TULP4: variants seen among roughly 807,000 people sequenced by gnomAD.
The protein encoded by TULP4 is TUB like protein 4, also known as tubby-related protein 4.
TULP4 carries 16 observed loss-of-function variants against 129.0 expected under a neutral mutation model. The observed-to-expected ratio is 0.12, with a 90% CI of 0.08 to 0.19. The LOEUF (loss-of-function observed/expected upper bound fraction) is 0.19. Among genes scored for constraint, TULP4 ranks in the 10% least tolerant of loss-of-function variants. The pLI, the probability that TULP4 is intolerant of heterozygous loss-of-function variation, is 1.00. For missense variants in TULP4, 1,842 were observed against 2,059.1 expected (o/e 0.89, Z 2.04); for synonymous variants, 998 against 854.0 (o/e 1.17, Z -2.94).
At chr6:158,375,142 C>G (rs1777156506) in intron 1 of TULP4, among the ~76,000 whole-genome samples, 1 of 152,124 alleles carries the variant, frequency 6.6e-6, no homozygotes, top group Admixed American at 6.5e-5. Flanking sequence ...ACTCGGGAGG[C>G]TGAGACAGGA....
chr6:158,260,365 A>G (rs1778329313), intron 1 of TULP4, among the ~76,000 whole-genome samples: 1 of 152,182 alleles, frequency 6.6e-6, no homozygotes, highest in Admixed American at 6.5e-5. Context: ...GAGGATATTA[A>G]GATGTTCATG....
chr6:158,383,999 A>G (rs1777383364), intron 1 of TULP4, among the ~76,000 whole-genome samples: 1 of 152,204 alleles, frequency 6.6e-6, no homozygotes, highest in Admixed American at 6.5e-5. Context: ...AGAGTGTAAC[A>G]TTATCCCAAG....
In TULP4 at chr6:158,344,462, G is replaced by A. The variant is rs550965470; in HGVS notation, c.252+30194G>A. 4.6e-5 allele frequency among the ~76,000 whole-genome samples: 7 copies of A among 152,202 alleles called. No homozygotes were observed. The South Asian group carries it at 1.0e-3, about 23-fold the overall frequency. ...CTTTCGGTGCCATGTTTTCAACAGC[G>A]TATATTCACTTTATATCTCTGTGGT... is the stretch of plus-strand genomic sequence containing the variant. On this transcript the variant is annotated intron_variant, in intron 1 of 13. Transcript: ENST00000367097.
chr6:158,347,807 T>A (rs982181188), intron 1 of TULP4, among the ~76,000 whole-genome samples: 2 of 152,220 alleles, frequency 1.3e-5, no homozygotes, highest in Non-Finnish European at 1.5e-5. Flanking sequence ...TTATCCCTTC[T>A]CCACCTTTTT....
chr6:158,368,338 T>G (rs1257368895), intron 1 of TULP4, among the ~76,000 whole-genome samples: 2 of 152,204 alleles, frequency 1.3e-5, no homozygotes, highest in Non-Finnish European at 2.9e-5. Flanking sequence ...AGAGTCTCGC[T>G]GTCACCCAGG....
intron 2 of TULP4, among the ~76,000 whole-genome samples, chr6:158,416,414 A>C (rs1467674412): frequency 6.6e-6 from 1 of 152,146 alleles, no homozygotes; most frequent in Non-Finnish European, 1.5e-5. Flanking sequence ...GTGTAGGCCT[A>C]GGCTAATATG....
chr6:158,441,382 T>C (rs556006390), intron 3 of TULP4, among the ~76,000 whole-genome samples: 55 of 152,340 alleles, frequency 3.6e-4, no homozygotes, highest in Middle Eastern at 6.8e-3. Flanking sequence ...TTGTCACATA[T>C]ACCTTCTTAA....
Position 158,502,933 on chromosome 6 carries a change from G to T in TULP4, c.3270G>T (p.Glu1090Asp), listed in dbSNP as rs772855472. Residue 1090 changes from glutamate to aspartate, a missense_variant, in exon 13 of 14, where the codon GAG (glutamate) becomes GAT (aspartate). Glu to Asp is a conservative substitution (Grantham distance 45). Transcript: ENST00000367097. ...RTDYVNSAFT[E>D]DEALSQHCQL... ...ACTACGTCAACTCGGCCTTCACGGA[G>T]GACGAGGCCCTGTCCCAGCACTGTC... 3.1e-6 allele frequency: 5 copies of T among 1,614,050 alleles called. No homozygotes were observed. The highest frequency in any genetic ancestry group is 4.2e-6 in the Non-Finnish European group (5 of 1,180,018).
chr6:158,369,525 C>G (rs1777025636), intron 1 of TULP4, among the ~76,000 whole-genome samples: 2 of 152,022 alleles, frequency 1.3e-5, no homozygotes, highest in African/African-American at 2.4e-5. Flanking sequence ...TTTAAGTTAG[C>G]CTCTGATTCA....
chr6:158,352,056 T>C (rs1780537546), intron 1 of TULP4, among the ~76,000 whole-genome samples: 1 of 152,156 alleles, frequency 6.6e-6, no homozygotes, highest in South Asian at 2.1e-4. Flanking sequence ...TATTGGGGCA[T>C]TTAAAAATAT....
intron 3 of TULP4, among the ~76,000 whole-genome samples, chr6:158,433,656 G>A (rs943482667): frequency 3.9e-5 from 6 of 152,180 alleles, no homozygotes; most frequent in Non-Finnish European, 5.9e-5. Flanking sequence ...GCAGTGAACC[G>A]AGATGGCGCC....
rs777960109 is a variant in TULP4, at chr6:158,396,928, G to A, written c.253-16137G>A. On this transcript the variant is annotated intron_variant, in intron 1 of 13. Coordinates refer to ENST00000367097, the MANE Select transcript of TULP4 (RefSeq NM_020245.5). ...AGTGCAGCTGGAAGAGGCGGGCTGCGTGGTTTTACATGACATTAACTAGGG... is the reference window on the plus strand; with the variant it reads ...AGTGCAGCTGGAAGAGGCGGGCTGCATGGTTTTACATGACATTAACTAGGG... 6.6e-5 allele frequency among the ~76,000 whole-genome samples: 10 copies of A among 152,328 alleles called. No homozygotes were observed. The South Asian group carries it at 1.0e-3, about 16-fold the overall frequency.
At chr6:158,398,450 C>T (rs1207329565) in intron 1 of TULP4, 3 of 152,270 alleles carry the variant, frequency 2.0e-5, no homozygotes, top group African/African-American at 4.8e-5. Flanking sequence ...AGCTCCAGCC[C>T]TCACCCAGTT....
At chr6:158,388,576 G>T (rs1403369664) in intron 1 of TULP4, among the ~76,000 whole-genome samples, 2 of 150,144 alleles carry the variant, frequency 1.3e-5, no homozygotes, top group Non-Finnish European at 3.0e-5. Flanking sequence ...TGATCCACCT[G>T]CTTTGGCCTC....
chr6:158,401,599 C>A (rs1000625551), intron 1 of TULP4, among the ~76,000 whole-genome samples: 1 of 140,146 alleles, frequency 7.1e-6, no homozygotes, highest in African/African-American at 2.5e-5. Flanking sequence ...GCAGAAAACC[C>A]GTGCAGAGTC....
intron 3 of TULP4, among the ~76,000 whole-genome samples, chr6:158,432,900 C>T (rs970316354): frequency 2.6e-5 from 4 of 152,232 alleles, no homozygotes; most frequent in Non-Finnish European, 4.4e-5. Context: ...TGGTAGACAT[C>T]GTGGCACATC....
chr6:158,506,691 A>G lies in TULP4; in HGVS notation c.4629A>G (p.Lys1543=). The change falls in exon 14 of 14, where the codon AAA becomes AAG. Residue 1543 remains lysine, a synonymous_variant. Transcript: ENST00000367097. ...VALANVTQRL[K] ...TGGCCAACGTGACTCAGCGCCTCAAATGAAGAGACTGGTGTGGGGAGGAGA... is the reference window on the plus strand; with the variant it reads ...TGGCCAACGTGACTCAGCGCCTCAAGTGAAGAGACTGGTGTGGGGAGGAGA... 4 of 1,599,774 alleles carry G rather than the reference A, an allele frequency of 2.5e-6. No individual in the cohort carries two copies. In the Admixed American group the frequency reaches 6.7e-5, roughly 27 times the overall value.
chr6:158,327,898 G>T (rs1487854137), intron 1 of TULP4, among the ~76,000 whole-genome samples: 2 of 152,138 alleles, frequency 1.3e-5, no homozygotes, highest in Non-Finnish European at 2.9e-5. Context: ...TATGTAGGGG[G>T]TGTTTAGCTG....
At chr6:158,504,216 G>A (rs369933552) in intron 13 of TULP4, 38 bp downstream of exon 13, 8 of 1,474,808 alleles carry the variant, frequency 5.4e-6, no homozygotes, top group African/African-American at 1.4e-5. Context: ...GAGCCCAGGA[G>A]GCGAGGGTTT....
Sources: allele counts gnomAD v4.1 joint callset (sites outside exome capture counted in the v4.1 genomes callset), GRCh38; gene constraint gnomAD v4.1.1; transcripts MANE v1.5; gene names NCBI Gene and HGNC (gene_info 2026-07-23, HGNC 2026-07-21).